The following IYD variants were observed in gnomAD, a reference collection of about 807,000 sequenced individuals.
IYD encodes the protein iodotyrosine deiodinase 1.
Under a neutral mutation model 28.4 loss-of-function variants are expected in IYD, and 25 were observed. The observed-to-expected ratio is 0.88, with a 90% CI of 0.64 to 1.23. The LOEUF (loss-of-function observed/expected upper bound fraction) is 1.23. Ranked by LOEUF, IYD falls within the 50% of genes most tolerant of loss-of-function variation. The pLI, the probability that IYD is intolerant of heterozygous loss-of-function variation, is 0.00. For missense variants in IYD, 352 were observed against 357.9 expected (o/e 0.98, Z 0.13); for synonymous variants, 140 against 130.8 (o/e 1.07, Z -0.48).
chr6:150,396,490 T>C (rs973532325), intron 4 of IYD: 8 of 699,808 alleles, frequency 1.1e-5, no homozygotes, highest in Admixed American at 4.0e-5. Flanking sequence ...GCTAGAGACA[T>C]ACAAAATTCA....
At chr6:150,385,304 G>C (rs1777819312) in intron 1 of IYD, among the ~76,000 whole-genome samples, 1 of 152,054 alleles carries the variant, frequency 6.6e-6, no homozygotes, top group African/African-American at 2.4e-5. Flanking sequence ...ATCACTGATG[G>C]AAGGGTTTCA....
chr6:150,377,418 C>G (rs1339110), intron 1 of IYD, among the ~76,000 whole-genome samples: 23,219 of 152,122 alleles, frequency 0.15, 3,552 homozygotes, highest in African/African-American at 0.38. Flanking sequence ...CCCTGCTAGT[C>G]TCATTCCCCA....
chr6:150,370,437 G>A, intron 1 of IYD: 1 of 959,306 alleles, frequency 1.0e-6, no homozygotes, highest in East Asian at 1.2e-4. Context: ...GTGTTTGTGA[G>A]AGAGTGTGTG....
In IYD at chr6:150,394,216, T is replaced by A. The variant is rs764302996; in HGVS notation, c.648T>A (p.Ser216Arg). The A allele has an allele frequency of 1.2e-6, 2 of 1,614,240 alleles. No individual in the cohort carries two copies. Among genetic ancestry groups the A allele is most frequent in the South Asian group, 1.1e-5 (1 of 91,086 alleles). ...KKKVHYYNEI[S>R]VSIACGILLA... ...AAGTCCACTACTACAATGAGATCAG[T>A]GTTTCCATCGCTTGTGGCATCCTGC... Residue 216 changes from serine (S) to arginine (R), a missense_variant, in exon 4 of 5, where the codon AGT (serine) becomes AGA (arginine). By Grantham distance (110) the Ser-to-Arg change is moderately radical. Coordinates refer to ENST00000344419, the MANE Select transcript of IYD (RefSeq NM_203395.3).
intron 1 of IYD, among the ~76,000 whole-genome samples, chr6:150,372,169 A>G (rs1002318564): frequency 1.3e-5 from 2 of 152,216 alleles, no homozygotes; most frequent in African/African-American, 4.8e-5. Flanking sequence ...TAAGGAAAAT[A>G]TGGGTACCCA....
intron 1 of IYD, among the ~76,000 whole-genome samples, chr6:150,379,125 C>T (rs942950132): frequency 6.6e-6 from 1 of 152,134 alleles, no homozygotes; most frequent in Non-Finnish European, 1.5e-5. Flanking sequence ...TCTCTTAGTC[C>T]TCCTGGCTCA....
chr6:150,375,263 A>G (rs1039504420), intron 1 of IYD, among the ~76,000 whole-genome samples: 1 of 152,100 alleles, frequency 6.6e-6, no homozygotes, highest in African/African-American at 2.4e-5. Flanking sequence ...TGGAGCTAGG[A>G]TTTTTTAGAG....
At chr6:150,397,588 A>G (rs1008191232) in intron 4 of IYD, among the ~76,000 whole-genome samples, 1 of 122,904 alleles carries the variant, frequency 8.1e-6, no homozygotes, top group Admixed American at 8.3e-5. Flanking sequence ...AACAAAAAAC[A>G]AAACCGAATA....
chr6:150,396,546 G>T (rs1778319197), intron 4 of IYD: 1 of 672,700 alleles, frequency 1.5e-6, no homozygotes, highest in South Asian at 1.6e-5. Flanking sequence ...GATATAAAAT[G>T]ACACTAAATT....
At chr6:150,369,241 C>T in intron 1 of IYD, 32 bp downstream of exon 1, 1 of 1,602,770 alleles carries the variant, frequency 6.2e-7, no homozygotes. Context: ...CTTAGCTTCG[C>T]TGTCGTGTTG....
At chr6:150,377,301 G>C (rs936664666) in intron 1 of IYD, among the ~76,000 whole-genome samples, 1 of 152,192 alleles carries the variant, frequency 6.6e-6, no homozygotes, top group Admixed American at 6.5e-5. Context: ...AAACAAAGGG[G>C]TTACACAGTC....
rs886061165 is a variant in IYD at position 150,394,196 on chromosome 6, C to T, written c.628C>T (p.His210Tyr). The change falls in exon 4 of 5, where the codon CAC (histidine) becomes TAC (tyrosine). Residue 210 changes from histidine to tyrosine, a missense_variant. By Grantham distance (83) the His-to-Tyr change is moderately conservative (BLOSUM62 2). Transcript: ENST00000344419. ...CGCCGCAAATGGCAAGAAAAAAGTC[C>T]ACTACTACAATGAGATCAGTGTTTC... is the stretch of plus-strand genomic sequence containing the variant. ...GFAANGKKKV[H>Y]YYNEISVSIA... 6.2e-7 allele frequency: 1 copy of T among 1,614,136 alleles called. No homozygotes were observed. Among genetic ancestry groups the T allele is most frequent in the Non-Finnish European group, 8.5e-7 (1 of 1,180,012 alleles).
intron 1 of IYD, among the ~76,000 whole-genome samples, chr6:150,382,087 C>T (rs1355914603): frequency 2.0e-5 from 3 of 152,132 alleles, no homozygotes; most frequent in African/African-American, 4.8e-5. Flanking sequence ...CGAGTACTGT[C>T]GGCCTCTTGC....
intron 1 of IYD, among the ~76,000 whole-genome samples, chr6:150,370,256 T>C (rs1307336307): frequency 8.3e-6 from 1 of 120,104 alleles, no homozygotes; most frequent in Non-Finnish European, 1.6e-5. Context: ...TGGATGTGTG[T>C]GCGCGTGCAT....
At position 150,387,869 on chromosome 6, in the gene IYD, T is replaced by G. The variant is rs1777936633; in HGVS notation, c.179-1483T>G. ...TTCTTTTTAATTTTTTTCCTTTTAT[T>G]CTTTCCTGTACCCTACAGATTTATA... On this transcript the variant is annotated intron_variant, in intron 1 of 4. Transcript: ENST00000344419. Among the ~76,000 whole-genome samples the G allele has an allele frequency of 2.0e-5, 3 of 152,134 alleles. No individual in the cohort carries two copies. The South Asian group carries it at 6.2e-4, about 31-fold the overall frequency.
chr6:150,389,288 C>A, intron 1 of IYD, 64 bp from the exon 2 acceptor site: 1 of 1,239,808 alleles, frequency 8.1e-7, no homozygotes, highest in East Asian at 2.3e-5. Context: ...TCTTCTTCTC[C>A]CCAGCGGTCA....
At chr6:150,397,378 G>C (rs1778359551) in intron 4 of IYD, among the ~76,000 whole-genome samples, 1 of 151,888 alleles carries the variant, frequency 6.6e-6, no homozygotes, top group African/African-American at 2.4e-5. Flanking sequence ...AGACAAACCT[G>C]GGCAATATGG....
rs761967547 is a variant in IYD at position 150,404,018 on chromosome 6, G to GA, written c.*5785dup. The GA allele has an allele frequency of 4.6e-5, 7 of 152,206 alleles. No homozygotes were observed. Among genetic ancestry groups the GA allele is most frequent in the Non-Finnish European group, 7.3e-5 (5 of 68,032 alleles). 9.4% of individuals were successfully genotyped at this position (152,206 alleles called of 1,614,324 possible). On this transcript the variant is annotated 3_prime_UTR_variant, in exon 5 of 5. Coordinates refer to ENST00000344419, the MANE Select transcript of IYD (RefSeq NM_203395.3). ...CTAAAATCAAAACCCTCTGAAGGGT[G>GA]AAAACTGGGAGCCTCCTGTTCCCAT...
At position 150,404,582 on chromosome 6, in the gene IYD, A is replaced by C. The variant is rs183332469; in HGVS notation, c.*6345A>C. 1.5e-4 allele frequency: 23 copies of C among 152,352 alleles called. No homozygotes were observed. The East Asian group carries it at 4.4e-3, about 29-fold the overall frequency. The allele number at this position is 152,352 out of a possible 1,614,324, so 9.4% of individuals were successfully genotyped here. ...ATTAAATATGATAAATTACACAAGA[A>C]GTTTAGAATGTTTAAAAGATTTTAA... On this transcript the variant is annotated 3_prime_UTR_variant, in exon 5 of 5. Coordinates refer to ENST00000344419, the MANE Select transcript of IYD (RefSeq NM_203395.3).
Sources: allele counts gnomAD v4.1 joint callset (sites outside exome capture counted in the v4.1 genomes callset), GRCh38; gene constraint gnomAD v4.1.1; transcripts MANE v1.5; gene names NCBI Gene and HGNC (gene_info 2026-07-23, HGNC 2026-07-21).